RNPEP: variants seen among roughly 807,000 people sequenced by gnomAD.
The protein encoded by RNPEP is arginyl aminopeptidase, also known as aminopeptidase B.
RNPEP carries 57 observed loss-of-function variants against 70.1 expected under a neutral mutation model. The observed-to-expected ratio is 0.81, with a 90% CI of 0.66 to 1.01. The LOEUF (loss-of-function observed/expected upper bound fraction) is 1.01. Ranked by LOEUF, RNPEP falls within the 50% of genes least tolerant of loss-of-function variation. The pLI is 0.00. For missense variants in RNPEP, 787 were observed against 852.4 expected (o/e 0.92, Z 0.96); for synonymous variants, 335 against 357.4 (o/e 0.94, Z 0.71).
rs1683960787 is a variant in RNPEP, at chr1:202,004,285, C to T, written c.1652-69C>T. On this transcript the variant is annotated intron_variant, in intron 9 of 10. Coordinates refer to ENST00000295640, the MANE Select transcript of RNPEP (RefSeq NM_020216.4). ...TCAAGTGATCCGCCCACCTCAGCCT[C>T]CCAAAATTCTAGTATTACAGGTGTG... 19 of 1,572,016 alleles carry T rather than the reference C, an allele frequency of 1.2e-5. No individual in the cohort carries two copies. In the South Asian group the frequency reaches 1.7e-4, roughly 14 times the overall value.
intron 4 of RNPEP, 158 bp downstream of exon 4, chr1:201,996,421 G>A (rs1333068661): frequency 6.1e-6 from 4 of 654,024 alleles, no homozygotes; most frequent in Non-Finnish European, 1.1e-5. Context: ...TATGAGCCAG[G>A]CTTCTCACTG....
intron 1 of RNPEP, among the ~76,000 whole-genome samples, chr1:201,984,834 T>TTTTTCTTTTTC (rs1683075151): frequency 1.0e-4 from 1 of 9,748 alleles, no homozygotes; most frequent in Non-Finnish European, 2.6e-4. Context: ...TTTTTTTTTT[T>TTTTTCTTTTTC]TTTTTTTTTT....
chr1:201,989,594 C>A, intron 3 of RNPEP, 63 bp downstream of exon 3: 2 of 1,571,520 alleles, frequency 1.3e-6, no homozygotes, highest in South Asian at 1.1e-5. Flanking sequence ...GGACTCTGAC[C>A]AGTGGACCTG....
intron 8 of RNPEP, among the ~76,000 whole-genome samples, chr1:202,002,518 A>G (rs1186511529): frequency 6.6e-6 from 1 of 152,192 alleles, no homozygotes; most frequent in African/African-American, 2.4e-5. Flanking sequence ...ATGTCCTGTC[A>G]TGGAAGACAC....
chr1:201,993,114 TA>T (rs1417299687), intron 3 of RNPEP, among the ~76,000 whole-genome samples: 3 of 152,202 alleles, frequency 2.0e-5, no homozygotes, highest in Non-Finnish European at 4.4e-5. Flanking sequence ...GTCCTCCACT[TA>T]AAAAGTTATC....
At chr1:201,989,874 G>A (rs1683262837) in intron 3 of RNPEP, among the ~76,000 whole-genome samples, 1 of 150,478 alleles carries the variant, frequency 6.6e-6, no homozygotes. Flanking sequence ...GAGTCTTGCT[G>A]TGTTGCCCAG....
At chr1:201,987,944 C>A (rs143474340) in intron 1 of RNPEP, among the ~76,000 whole-genome samples, 2,189 of 150,964 alleles carry the variant, frequency 0.015, 84 homozygotes, top group East Asian at 0.14. Flanking sequence ...AGTTCAAGAC[C>A]AGCCTGACCA....
chr1:201,982,871 T>C lies in RNPEP; in HGVS notation c.205T>C (p.Cys69Arg). ...LSGTAVLDLR[C>R]LEPEGAAELR... ...CGGCACCGCGGTCCTGGACCTGCGC[T>C]GCCTGGAGCCCGAGGGCGCCGCCGA... Residue 69 changes from cysteine to arginine, a missense_variant, in exon 1 of 11, where the codon TGC (cysteine) becomes CGC (arginine). Cys to Arg is a radical substitution (Grantham distance 180, BLOSUM62 -3). Coordinates refer to ENST00000295640, the MANE Select transcript of RNPEP (RefSeq NM_020216.4). 1 of 1,398,090 alleles carries C rather than the reference T, an allele frequency of 7.2e-7. No homozygotes were observed. Among genetic ancestry groups the C allele is most frequent in the Non-Finnish European group, 9.2e-7 (1 of 1,082,088 alleles). 86.6% of individuals were successfully genotyped at this position (1,398,090 alleles called of 1,614,324 possible). A position where few individuals can be genotyped will look rare whatever the true frequency, so the allele number is the denominator to read the frequency against.
chr1:201,987,428 C>CTTT (rs200892295), intron 1 of RNPEP, among the ~76,000 whole-genome samples: 27 of 111,952 alleles, frequency 2.4e-4, no homozygotes, highest in South Asian at 8.6e-4. Context: ...TCAGATTTTA[C>CTTT]TTTTTTTTTT....
chr1:201,982,725 C>T lies in RNPEP; in HGVS notation c.59C>T (p.Ala20Val). ...GCGGCCCGGCGGCCGCTGCACTCCG[C>T]GCAGGCTGTGGACGTGGCCTCGGCC... is the stretch of plus-strand genomic sequence containing the variant. ...SGAARRPLHS[A>V]QAVDVASASN... The change falls in exon 1 of 11, where the codon GCG (alanine) becomes GTG (valine). Residue 20 changes from alanine to valine, a missense_variant. By Grantham distance (64) the Ala-to-Val change is moderately conservative. Coordinates refer to ENST00000295640, the MANE Select transcript of RNPEP (RefSeq NM_020216.4). The T allele has an allele frequency of 7.1e-7, 1 of 1,402,866 alleles. No homozygotes were observed. Among genetic ancestry groups the T allele is most frequent in the Non-Finnish European group, 9.3e-7 (1 of 1,074,402 alleles). 86.9% of individuals were successfully genotyped at this position (1,402,866 alleles called of 1,614,324 possible). A position where few individuals can be genotyped will look rare whatever the true frequency, so the allele number is the denominator to read the frequency against.
In RNPEP at chr1:201,984,844, T is replaced by C. The variant is rs918592485; in HGVS notation, c.447+1731T>C. Among the ~76,000 whole-genome samples, 28 of 131,812 alleles carry C rather than the reference T, an allele frequency of 2.1e-4. 3 individuals carry two copies. Among genetic ancestry groups the C allele is most frequent in the African/African-American group, 7.1e-4 (25 of 34,978 alleles). 86.5% of individuals were successfully genotyped at this position (131,812 alleles called of 152,430 possible). A position where few individuals can be genotyped will look rare whatever the true frequency, so the allele number is the denominator to read the frequency against. On this transcript the variant is annotated intron_variant, in intron 1 of 10. Coordinates refer to ENST00000295640, the MANE Select transcript of RNPEP (RefSeq NM_020216.4). ...TTCTTTTTTTTTTTTTTTTTTTTTT[T>C]TTTTTTTTTTTTTGAGAAGGGATCA...
intron 3 of RNPEP, chr1:201,995,715 T>C (rs1683520358): frequency 6.3e-6 from 1 of 159,918 alleles, no homozygotes; most frequent in African/African-American, 2.4e-5. Flanking sequence ...TAAGGTTTTA[T>C]TCAATTCCAG....
chr1:201,988,149 A>AAAAAAG (rs1553303551), intron 1 of RNPEP, among the ~76,000 whole-genome samples: 2 of 149,146 alleles, frequency 1.3e-5, no homozygotes, highest in Non-Finnish European at 3.0e-5. Flanking sequence ...TCGAAAAAAA[A>AAAAAAG]AAAAGAAAAG....
Position 201,999,907 on chromosome 1 carries a change from GC to G in RNPEP, c.1097del (p.Ala366GlyfsTer32). The part of the protein sequence containing the change: ...RRISTILFGA[A>X]YTCLEAATGR... ...TACGTTTGATTCTGCACCAGGCGCT[GC>G]GTACACCTGCTTGGAGGCTGCAACG... On this transcript the variant is annotated frameshift_variant, in exon 6 of 11. Transcript: ENST00000295640. LOFTEE classifies it high-confidence loss of function. 1 of 1,613,436 alleles carries G rather than the reference GC, an allele frequency of 6.2e-7. No individual in the cohort carries two copies. Among genetic ancestry groups the G allele is most frequent in the South Asian group, 1.1e-5 (1 of 90,890 alleles).
intron 3 of RNPEP, among the ~76,000 whole-genome samples, chr1:201,994,613 C>T (rs1410133191): frequency 6.6e-6 from 1 of 151,720 alleles, no homozygotes; most frequent in Non-Finnish European, 1.5e-5. Context: ...TCAGCAAACG[C>T]AGAGGAAGTT....
rs774057242 is a variant in RNPEP, at chr1:201,997,390, C to A, written c.926C>A (p.Thr309Asn). The A allele has an allele frequency of 3.7e-6, 6 of 1,614,030 alleles. No individual in the cohort carries two copies. The highest frequency in any genetic ancestry group is 4.2e-6 in the Non-Finnish European group (5 of 1,180,036). ...GMENPCLTFVTPCLLAGDRSL... is the reference protein window; with the variant it reads ...GMENPCLTFVNPCLLAGDRSL... The stretch of plus-strand genomic sequence containing the variant: ...GAGAACCCTTGTCTGACCTTTGTCA[C>A]CCCCTGCCTGCTAGCTGGGGACCGC... The change falls in exon 5 of 11, where the codon ACC becomes AAC. Residue 309 changes from threonine (T) to asparagine (N), a missense_variant. Coordinates refer to ENST00000295640, the MANE Select transcript of RNPEP (RefSeq NM_020216.4).
intron 8 of RNPEP, chr1:202,003,034 C>T (rs779229770): frequency 1.1e-5 from 6 of 551,816 alleles, no homozygotes; most frequent in Admixed American, 6.6e-5. Context: ...AGCACTTTCA[C>T]GGTCGAAACG....
chr1:201,996,144 T>TTG lies in RNPEP; in HGVS notation c.738-3_738-2insTG, dbSNP rs762306962. 7.4e-6 allele frequency: 12 copies of TTG among 1,612,052 alleles called. No homozygotes were observed. In the South Asian group the frequency reaches 1.1e-4, roughly 15 times the overall value. On this transcript the variant is annotated splice_polypyrimidine_tract_variant and splice_region_variant and intron_variant, in intron 3 of 10. Transcript: ENST00000295640. ...TCTGCTTTCTCTGCTCTCTTGTCTT[T>TTG]AGGAGCCGGGTGTGGGCTGAGCCCT...
Position 202,004,484 on chromosome 1 carries a change from C to T in RNPEP, c.1782C>T (p.Phe594=). The part of the protein sequence containing the change: ...HQEDFWKVKE[F]LHNQGKQKYT... ...AAGATTTCTGGAAAGTGAAGGAGTT[C>T]CTGCATAACCAGGTGGGTGACCCCT... Residue 594 remains phenylalanine (F), a synonymous_variant, in exon 10 of 11, where the codon TTC becomes TTT. Coordinates refer to ENST00000295640, the MANE Select transcript of RNPEP (RefSeq NM_020216.4). 6.2e-7 allele frequency: 1 copy of T among 1,613,716 alleles called. No individual in the cohort carries two copies.
Sources: gnomAD v4.1 joint callset for allele counts (sites outside exome capture counted in the v4.1 genomes callset) on GRCh38, gnomAD v4.1.1 for gene constraint, MANE v1.5 for transcripts, NCBI Gene and HGNC (gene_info 2026-07-23, HGNC 2026-07-21) for gene names.